The following GRAMD2B variants were observed in gnomAD, a reference collection of about 807,000 sequenced individuals.
The protein encoded by GRAMD2B is GRAM domain containing 2B, also known as GRAM domain-containing protein 2B.
Under a neutral mutation model 59.2 loss-of-function variants are expected in GRAMD2B, and 41 were observed. The observed-to-expected ratio is 0.69, with a 90% CI of 0.54 to 0.90. The LOEUF (loss-of-function observed/expected upper bound fraction) is 0.90, where lower values mean the gene tolerates loss of function less well. Ranked by LOEUF, GRAMD2B falls within the 40% of genes least tolerant of loss-of-function variation. GRAMD2B has a pLI of 0.00. For synonymous variants in GRAMD2B, 161 were observed against 182.7 expected (o/e 0.88, Z 0.96); for missense variants, 424 against 500.5 (o/e 0.85, Z 1.46).
intron 2 of GRAMD2B, among the ~76,000 whole-genome samples, chr5:126,468,840 C>T (rs1768979761): frequency 6.6e-6 from 1 of 152,104 alleles, no homozygotes. Context: ...ATACCTTCTC[C>T]TAACTCCTAT....
chr5:126,416,981 A>G (rs1759315924), intron 1 of GRAMD2B, among the ~76,000 whole-genome samples: 1 of 152,258 alleles, frequency 6.6e-6, no homozygotes, highest in African/African-American at 2.4e-5. Flanking sequence ...CAGAGCCACA[A>G]CAGCATGGGT....
At chr5:126,399,518 T>C (rs1561480278) in intron 1 of GRAMD2B, among the ~76,000 whole-genome samples, 1 of 152,156 alleles carries the variant, frequency 6.6e-6, no homozygotes, top group African/African-American at 2.4e-5. Flanking sequence ...CCTCCCACCA[T>C]GTAAGACATG....
intron 1 of GRAMD2B, among the ~76,000 whole-genome samples, chr5:126,450,500 C>T (rs1219428688): frequency 4.0e-5 from 6 of 151,832 alleles, no homozygotes; most frequent in Non-Finnish European, 2.9e-5. Flanking sequence ...CGTAATGAAA[C>T]ATTCTGCTGT....
intron 1 of GRAMD2B, among the ~76,000 whole-genome samples, chr5:126,361,917 C>T (rs763813018): frequency 3.9e-5 from 6 of 152,178 alleles, no homozygotes; most frequent in Non-Finnish European, 8.8e-5. Flanking sequence ...CACTCTGAGC[C>T]TCAGTTCTTC....
chr5:126,480,642 A>ACAGTTGGTACAGTTCAGAT lies in GRAMD2B; in HGVS notation c.670_671insCAGTTGGTACAGTTCAGAT (p.Asn224ThrfsTer15). On this transcript the variant is annotated frameshift_variant, in exon 8 of 14. Coordinates refer to ENST00000285689, the MANE Select transcript of GRAMD2B (RefSeq NM_023927.4). LOFTEE classifies it high-confidence loss of function. ...ATAATTTCAGAATACAAGTGTTGGT[A>ACAGTTGGTACAGTTCAGAT]ACAGTCCCAATCCATCTTCTGCTGA... 1 of 1,614,100 alleles carries ACAGTTGGTACAGTTCAGAT rather than the reference A, an allele frequency of 6.2e-7. No homozygotes were observed. The highest frequency in any genetic ancestry group is 8.5e-7 in the Non-Finnish European group (1 of 1,179,940).
chr5:126,450,714 C>T (rs1467412288), intron 1 of GRAMD2B, among the ~76,000 whole-genome samples: 1 of 150,112 alleles, frequency 6.7e-6, no homozygotes, highest in Admixed American at 6.6e-5. Flanking sequence ...CTGGCTCTAG[C>T]GTCAGCTCAA....
At chr5:126,375,966 A>T (rs774020222) in intron 1 of GRAMD2B, among the ~76,000 whole-genome samples, 2 of 152,216 alleles carry the variant, frequency 1.3e-5, no homozygotes, top group Non-Finnish European at 2.9e-5. Flanking sequence ...TGCAGAAATC[A>T]TCGTTTCTCA....
At chr5:126,409,572 T>TA (rs1289625283) in intron 1 of GRAMD2B, among the ~76,000 whole-genome samples, 1 of 152,186 alleles carries the variant, frequency 6.6e-6, no homozygotes, top group East Asian at 1.9e-4. Flanking sequence ...GAGTTCATTG[T>TA]AGGTTCTGGA....
At position 126,483,180 on chromosome 5, in the gene GRAMD2B, C is replaced by T. The variant is rs141228252; in HGVS notation, c.736-283C>T. Among the ~76,000 whole-genome samples, 497 of 152,330 alleles carry T rather than the reference C, an allele frequency of 3.3e-3. 2 individuals carry two copies. The highest frequency in any genetic ancestry group is 0.012 in the African/African-American group (482 of 41,570). ...TGCTAATGAAACCTTCAGCTTCACA[C>T]TGGAAGCTTCTCAATTATTGGCATT... is the stretch of plus-strand genomic sequence containing the variant. On this transcript the variant is annotated intron_variant, in intron 8 of 13. Coordinates refer to ENST00000285689, the MANE Select transcript of GRAMD2B (RefSeq NM_023927.4).
intron 1 of GRAMD2B, chr5:126,371,596 C>G (rs549464749): frequency 7.0e-5 from 89 of 1,265,840 alleles, no homozygotes; most frequent in Admixed American, 3.2e-4. Context: ...TGGCCATCCA[C>G]GTCTGTCCCC....
In GRAMD2B at chr5:126,423,493, G is replaced by GGGGA; in HGVS notation, c.-110_-107dup. The GGGGA allele has an allele frequency of 1.3e-6, 2 of 1,525,196 alleles. No homozygotes were observed. The highest frequency in any genetic ancestry group is 1.8e-6 in the Non-Finnish European group (2 of 1,138,758). 94.5% of individuals were successfully genotyped at this position (1,525,196 alleles called of 1,614,324 possible). On this transcript the variant is annotated 5_prime_UTR_variant, in exon 1 of 14. An upstream open reading frame in the 5' UTR loses its in-frame stop. Coordinates refer to ENST00000285689, the MANE Select transcript of GRAMD2B (RefSeq NM_023927.4). ...CTGGATGCGCTGGGCGGAGGGTGCA[G>GGGGA]GGGAGGGCACGGCGCCGCTTGCTTG...
chr5:126,391,178 T>A (rs1381247785), intron 1 of GRAMD2B, among the ~76,000 whole-genome samples: 1 of 151,478 alleles, frequency 6.6e-6, no homozygotes, highest in East Asian at 1.9e-4. Flanking sequence ...CCATTTCTAG[T>A]AAAAATACAA....
intron 1 of GRAMD2B, among the ~76,000 whole-genome samples, chr5:126,406,174 C>T (rs917222621): frequency 2.6e-5 from 4 of 151,786 alleles, no homozygotes; most frequent in South Asian, 4.1e-4. Flanking sequence ...TTTACTAACT[C>T]GGAATACATC....
At chr5:126,453,386 CA>C (rs1353829239) in intron 1 of GRAMD2B, among the ~76,000 whole-genome samples, 1 of 146,046 alleles carries the variant, frequency 6.8e-6, no homozygotes, top group African/African-American at 2.5e-5. Context: ...GACAGAAATT[CA>C]AAAAAATGCT....
intron 1 of GRAMD2B, among the ~76,000 whole-genome samples, chr5:126,386,401 C>T (rs1366965660): frequency 6.6e-6 from 1 of 152,198 alleles, no homozygotes; most frequent in African/African-American, 2.4e-5. Flanking sequence ...TTGTCAATTG[C>T]TTCACAGCAT....
At chr5:126,483,121 A>G (rs1772198494) in intron 8 of GRAMD2B, among the ~76,000 whole-genome samples, 1 of 152,094 alleles carries the variant, frequency 6.6e-6, no homozygotes, top group Non-Finnish European at 1.5e-5. Flanking sequence ...TCTCTTATAT[A>G]TGTCTGTAGT....
At chr5:126,396,297 T>C (rs1446089955) in intron 1 of GRAMD2B, among the ~76,000 whole-genome samples, 1 of 152,182 alleles carries the variant, frequency 6.6e-6, no homozygotes, top group Non-Finnish European at 1.5e-5. Flanking sequence ...TAGTACTCAT[T>C]AGTTATTTTT....
chr5:126,447,461 G>C (rs549706935), intron 1 of GRAMD2B, among the ~76,000 whole-genome samples: 4 of 152,252 alleles, frequency 2.6e-5, no homozygotes, highest in Non-Finnish European at 5.9e-5. Context: ...AGAAGATTGA[G>C]ACCATCCTCG....
chr5:126,386,562 G>T (rs1454500971), intron 1 of GRAMD2B, among the ~76,000 whole-genome samples: 1 of 152,196 alleles, frequency 6.6e-6, no homozygotes, highest in Non-Finnish European at 1.5e-5. Context: ...ACCAAGAAGG[G>T]TGATCACTGG....
Sources: allele counts gnomAD v4.1 joint callset (sites outside exome capture counted in the v4.1 genomes callset), GRCh38; gene constraint gnomAD v4.1.1; transcripts MANE v1.5; gene names NCBI Gene and HGNC (gene_info 2026-07-23, HGNC 2026-07-21).